The following LGMN variants were observed in gnomAD, a reference collection of about 807,000 sequenced individuals.
LGMN encodes asparaginyl endopeptidase.
In LGMN, 36 loss-of-function variants were observed where a neutral mutation model predicts 56.8. The observed-to-expected ratio is 0.63, with a 90% confidence interval of 0.49 to 0.84. The LOEUF (loss-of-function observed/expected upper bound fraction) is 0.84. LGMN is among the 40% of genes least tolerant of loss of function. LGMN has a pLI of 0.00. For synonymous variants in LGMN, 199 were observed against 210.1 expected, an observed-to-expected ratio of 0.95 and a Z score of 0.46; for missense variants, 446 against 556.1, an observed-to-expected ratio of 0.80 and a Z score of 1.99.
Position 92,719,180 on chromosome 14 carries a change from C to T in LGMN, c.139-336G>A, listed in dbSNP as rs1355026178. 3.7e-3 allele frequency among the ~76,000 whole-genome samples: 438 copies of T among 118,262 alleles called. 21 individuals are homozygous for T. The highest frequency in any genetic ancestry group is 0.015 in the African/African-American group (407 of 26,266). The allele number at this position is 118,262 out of a possible 152,430, so 77.6% of individuals were successfully genotyped here. Reference sequence around the variant, plus strand: ...ACTGCCACCACCACCACCACCACCACCATCACCACCACCGCCACCAACACC... The same window carrying T: ...ACTGCCACCACCACCACCACCACCATCATCACCACCACCGCCACCAACACC... On this transcript the variant is annotated intron_variant, in intron 2 of 13. Transcript: ENST00000334869.
intron 10 of LGMN, among the ~76,000 whole-genome samples, chr14:92,710,498 G>A (rs1277622016): frequency 6.6e-6 from 1 of 152,216 alleles, no homozygotes; most frequent in South Asian, 2.1e-4. Flanking sequence ...CAGCGGCCAG[G>A]CTCGATTTGG....
At chr14:92,744,544 C>A (rs537166739) in intron 1 of LGMN, among the ~76,000 whole-genome samples, 1 of 151,200 alleles carries the variant, frequency 6.6e-6, no homozygotes, top group Non-Finnish European at 1.5e-5. Flanking sequence ...TTCAGTTTTA[C>A]ATTTTACAGA....
chr14:92,732,025 A>G (rs554897018), intron 2 of LGMN, among the ~76,000 whole-genome samples: 9 of 151,958 alleles, frequency 5.9e-5, no homozygotes, highest in Non-Finnish European at 1.0e-4. Context: ...GGGTGTGAAG[A>G]GAGAGCAGTA....
chr14:92,736,625 T>C (rs1281093334), intron 1 of LGMN, among the ~76,000 whole-genome samples: 1 of 152,086 alleles, frequency 6.6e-6, no homozygotes, highest in Non-Finnish European at 1.5e-5. Flanking sequence ...AGTGAACTTA[T>C]TATTAAACTA....
chr14:92,712,011 G>T, intron 8 of LGMN, 56 bp from the exon 9 acceptor site: 2 of 1,313,076 alleles, frequency 1.5e-6, no homozygotes, highest in Non-Finnish European at 2.2e-6. Flanking sequence ...CTTGGATTAC[G>T]CTTGAAGCTT....
chr14:92,706,417 G>T, intron 12 of LGMN, 66 bp downstream of exon 12: 1 of 1,330,456 alleles, frequency 7.5e-7, no homozygotes, highest in South Asian at 1.7e-5. Flanking sequence ...CAACCAATGT[G>T]ACTGCCAGGG....
chr14:92,719,329 GCCA>G (rs1231641155), intron 2 of LGMN, among the ~76,000 whole-genome samples: 4,415 of 55,164 alleles, frequency 0.08, 242 homozygotes, highest in Middle Eastern at 0.18. Flanking sequence ...CGCCGCCACC[GCCA>G]CCGCCATCAC....
At chr14:92,717,189 A>G (rs1226129644) in intron 4 of LGMN, among the ~76,000 whole-genome samples, 191 bp downstream of exon 4, 4 of 152,240 alleles carry the variant, frequency 2.6e-5, no homozygotes, top group Non-Finnish European at 5.9e-5. Flanking sequence ...TATTCTAAAC[A>G]TTCTCTTTTC....
chr14:92,722,338 A>T (rs1384653053), intron 2 of LGMN, among the ~76,000 whole-genome samples: 1 of 152,104 alleles, frequency 6.6e-6, no homozygotes, highest in Non-Finnish European at 1.5e-5. Context: ...TTGGGAGGCC[A>T]GGGATCCCAG....
At chr14:92,726,994 A>G (rs1373650220) in intron 2 of LGMN, among the ~76,000 whole-genome samples, 2 of 152,226 alleles carry the variant, frequency 1.3e-5, no homozygotes, top group Non-Finnish European at 2.9e-5. Flanking sequence ...AGAGCAAGCC[A>G]AACAGACAAG....
chr14:92,737,867 T>C (rs946227867), intron 1 of LGMN, among the ~76,000 whole-genome samples: 5 of 152,232 alleles, frequency 3.3e-5, no homozygotes, highest in African/African-American at 7.2e-5. Flanking sequence ...TTGCTGACCC[T>C]GTCTGAGGGA....
chr14:92,719,227 ACCGCCACCG>A (rs1890265913), intron 2 of LGMN, among the ~76,000 whole-genome samples: 1 of 63,256 alleles, frequency 1.6e-5, no homozygotes, highest in Non-Finnish European at 2.7e-5. Flanking sequence ...CAACACCACC[ACCGCCACCG>A]CCACCACCGC....
rs540830716 is a variant in LGMN, at chr14:92,716,329, T to A, written c.319-108A>T. 39 of 816,982 alleles carry A rather than the reference T, an allele frequency of 4.8e-5. 1 individual carries two copies. The South Asian group carries it at 4.8e-4, about 10-fold the overall frequency. 50.6% of individuals were successfully genotyped at this position (816,982 alleles called of 1,614,324 possible). ...ACCAGCCTGCACATTCCAAGGCTCA[T>A]GGCTTAACAGCAAACACTTTTGGTC... On this transcript the variant is annotated intron_variant, in intron 4 of 13. Transcript: ENST00000334869.
chr14:92,739,683 G>A (rs936531194), intron 1 of LGMN, among the ~76,000 whole-genome samples: 3 of 152,178 alleles, frequency 2.0e-5, no homozygotes, highest in Middle Eastern at 3.2e-3. Flanking sequence ...GGTGTCATTT[G>A]TAAAAGGGGA....
In LGMN at chr14:92,709,421, C is replaced by T. The variant is rs144149082; in HGVS notation, c.1020+251G>A. 5.3e-3 allele frequency among the ~76,000 whole-genome samples: 803 copies of T among 152,328 alleles called. 6 individuals are homozygous for T. The highest frequency in any genetic ancestry group is 9.1e-3 in the Non-Finnish European group (616 of 68,032). ...CACCCATGTACATGGCTTCTTGGTA[C>T]GATACAGGGGAGATAGGCCCCCATT... On this transcript the variant is annotated intron_variant, in intron 11 of 13. Transcript: ENST00000334869.
intron 1 of LGMN, among the ~76,000 whole-genome samples, chr14:92,737,656 G>A (rs1305027899): frequency 2.0e-5 from 3 of 152,170 alleles, no homozygotes; most frequent in Non-Finnish European, 4.4e-5. Context: ...GGATGCCTGT[G>A]TTTCTTCCCC....
intron 1 of LGMN, among the ~76,000 whole-genome samples, chr14:92,737,818 C>G (rs930552524): frequency 2.0e-5 from 3 of 152,156 alleles, no homozygotes; most frequent in Non-Finnish European, 4.4e-5. Context: ...AAAACTTTAT[C>G]TATAAAATAG....
intron 1 of LGMN, among the ~76,000 whole-genome samples, chr14:92,745,682 AATATCCTGCCCCTTGT>A (rs1891784111): frequency 1.3e-5 from 2 of 152,228 alleles, no homozygotes; most frequent in Admixed American, 1.3e-4. Context: ...AAACAACCCT[AATATCCTGCCCCTTGT>A]ATACAAATGT....
intron 3 of LGMN, among the ~76,000 whole-genome samples, chr14:92,718,196 G>A (rs996883260): frequency 3.3e-5 from 5 of 152,148 alleles, no homozygotes; most frequent in African/African-American, 9.7e-5. Context: ...GGAGGAACTC[G>A]GCTTTAGACC....
Sources: allele counts gnomAD v4.1 joint callset (sites outside exome capture counted in the v4.1 genomes callset), GRCh38; gene constraint gnomAD v4.1.1; transcripts MANE v1.5; gene names NCBI Gene and HGNC (gene_info 2026-07-23, HGNC 2026-07-21).